The following FGGY variants were observed in gnomAD, a reference collection of about 807,000 sequenced individuals.
FGGY encodes the protein FGGY carbohydrate kinase domain-containing protein.
FGGY carries 72 observed loss-of-function variants against 71.3 expected under a neutral mutation model. The ratio of observed to expected loss-of-function variants is 1.01; its 90% CI spans 0.84 to 1.23. The LOEUF is 1.23. FGGY is among the 50% of genes most tolerant of loss of function. The pLI is 0.00. For missense variants in FGGY, 668 were observed against 682.3 expected (o/e 0.98, Z 0.23); for synonymous variants, 251 against 250.3 (o/e 1.00, Z -0.02).
At chr1:59,296,437 G>A (rs192541411), upstream of FGGY, among the ~76,000 whole-genome samples, 717 of 152,370 alleles carry the variant, frequency 4.7e-3, 4 homozygotes, top group South Asian at 0.028. Context: ...GCTGCGGAGA[G>A]TCCGCCTGGG....
At chr1:59,458,189 GT>G (rs1301355669) in intron 6 of FGGY, among the ~76,000 whole-genome samples, 6 of 152,264 alleles carry the variant, frequency 3.9e-5, no homozygotes, top group African/African-American at 1.4e-4. Context: ...AAAATTAGTT[GT>G]TTTTTGCTGA....
At chr1:59,316,200 A>G (rs1046254478) in intron 1 of FGGY, 2 of 152,218 alleles carry the variant, frequency 1.3e-5, no homozygotes, top group African/African-American at 4.8e-5. Flanking sequence ...ACTTGTGTAC[A>G]TCAACTCCCA....
intron 14 of FGGY, among the ~76,000 whole-genome samples, chr1:59,699,967 C>T (rs1038812432): frequency 1.3e-5 from 2 of 152,182 alleles, no homozygotes; most frequent in Non-Finnish European, 2.9e-5. Context: ...TTTGTTCTCT[C>T]CACTGATATC....
chr1:59,365,382 C>T (rs182142942), intron 4 of FGGY, among the ~76,000 whole-genome samples: 98 of 152,302 alleles, frequency 6.4e-4, no homozygotes, highest in African/African-American at 2.2e-3. Context: ...CAGTCTTTGA[C>T]TTTCTTTCAT....
At chr1:59,708,062 C>T (rs6685309) in intron 14 of FGGY, among the ~76,000 whole-genome samples, 121,317 of 152,074 alleles carry the variant, frequency 0.8, 48,846 homozygotes, top group Non-Finnish European at 0.86. Flanking sequence ...AGAGAGAATC[C>T]GAGATGAAAT....
chr1:59,476,082 G>A (rs1174187355), intron 6 of FGGY, among the ~76,000 whole-genome samples: 5 of 152,086 alleles, frequency 3.3e-5, no homozygotes, highest in Non-Finnish European at 7.4e-5. Context: ...TAGCTTTTGC[G>A]TTAACTCTGC....
intron 5 of FGGY, among the ~76,000 whole-genome samples, chr1:59,441,894 C>G (rs114115720): frequency 0.011 from 1,668 of 152,258 alleles, 11 homozygotes; most frequent in Non-Finnish European, 0.018. Context: ...AACTGAATGC[C>G]TTGGTCCACT....
chr1:59,360,127 G>GTTATTATTA (rs200166794), intron 4 of FGGY, among the ~76,000 whole-genome samples: 2,661 of 145,700 alleles, frequency 0.018, 47 homozygotes, highest in African/African-American at 0.044. Context: ...TTCTATCATT[G>GTTATTATTA]TTATTATTAT....
At chr1:59,616,716 T>G (rs2096759099) in intron 9 of FGGY, among the ~76,000 whole-genome samples, 1 of 152,078 alleles carries the variant, frequency 6.6e-6, no homozygotes, top group Non-Finnish European at 1.5e-5. Context: ...GAGAGGGATT[T>G]ATAGACATAA....
intron 2 of FGGY, among the ~76,000 whole-genome samples, chr1:59,337,413 C>G (rs191150405): frequency 6.6e-6 from 1 of 152,172 alleles, no homozygotes; most frequent in Admixed American, 6.5e-5. Context: ...CTAATCACAC[C>G]CATTACTGAT....
intron 14 of FGGY, among the ~76,000 whole-genome samples, chr1:59,705,994 A>T (rs1204292870): frequency 6.6e-6 from 1 of 152,130 alleles, no homozygotes; most frequent in East Asian, 1.9e-4. Context: ...GAAACGAAAC[A>T]CCTACACCAT....
intron 4 of FGGY, among the ~76,000 whole-genome samples, chr1:59,372,220 A>G (rs1571181889): frequency 6.6e-6 from 1 of 152,188 alleles, no homozygotes; most frequent in Non-Finnish European, 1.5e-5. Flanking sequence ...AAAATGATAA[A>G]GGGAATATCA....
At chr1:59,670,017 C>T (rs967072078) in intron 13 of FGGY, among the ~76,000 whole-genome samples, 4 of 152,166 alleles carry the variant, frequency 2.6e-5, no homozygotes, top group African/African-American at 9.7e-5. Context: ...TATTTGGATT[C>T]CGATTGAAAC....
At chr1:59,551,447 T>C (rs1451257907) in intron 7 of FGGY, among the ~76,000 whole-genome samples, 1 of 152,200 alleles carries the variant, frequency 6.6e-6, no homozygotes, top group African/African-American at 2.4e-5. Context: ...AACCAGTAAA[T>C]GTGGGTGATT....
intron 7 of FGGY, among the ~76,000 whole-genome samples, chr1:59,533,523 T>A (rs1400309109): frequency 6.6e-6 from 1 of 151,996 alleles, no homozygotes; most frequent in Non-Finnish European, 1.5e-5. Context: ...CCTGCCTGCC[T>A]CTGTAGGCTC....
At chr1:59,423,503 C>T (rs1444946413) in intron 5 of FGGY, among the ~76,000 whole-genome samples, 1 of 152,208 alleles carries the variant, frequency 6.6e-6, no homozygotes, top group Non-Finnish European at 1.5e-5. Context: ...ATTACAACAG[C>T]CTCCATACTG....
intron 5 of FGGY, among the ~76,000 whole-genome samples, chr1:59,404,488 A>G (rs952412527): frequency 3.3e-5 from 5 of 152,238 alleles, no homozygotes; most frequent in Non-Finnish European, 7.3e-5. Flanking sequence ...AGTTATCCAT[A>G]AAGTGCTGGG....
chr1:59,330,871 T>G (rs944900343), intron 2 of FGGY, among the ~76,000 whole-genome samples: 2 of 152,040 alleles, frequency 1.3e-5, no homozygotes, highest in Admixed American at 1.3e-4. Flanking sequence ...GAGTTTGAGA[T>G]TGACCAGTCT....
At chr1:59,339,857 A>G in intron 2 of FGGY, 101 bp from the exon 3 acceptor site, 1 of 671,070 alleles carries the variant, frequency 1.5e-6, no homozygotes, top group East Asian at 2.8e-5. Context: ...TGTTGTAAAG[A>G]TTTTTTTCTA....
Sources: gnomAD v4.1 joint callset for allele counts (sites outside exome capture counted in the v4.1 genomes callset) on GRCh38, gnomAD v4.1.1 for gene constraint, MANE v1.5 for transcripts, NCBI Gene and HGNC (gene_info 2026-07-23, HGNC 2026-07-21) for gene names.